The following STK4 variants were observed in gnomAD, a reference collection of about 807,000 sequenced individuals.
STK4 encodes the protein serine/threonine-protein kinase 4.
Under a neutral mutation model 64.9 loss-of-function variants are expected in STK4, and 30 were observed. The observed-to-expected ratio is 0.46, with a 90% CI of 0.35 to 0.63. The LOEUF is 0.63. Ranked by LOEUF, STK4 falls within the 20% of genes least tolerant of loss-of-function variation. The pLI is 0.01. For synonymous variants in STK4, 177 were observed against 199.0 expected (o/e 0.89, Z 0.93); for missense variants, 466 against 598.5 (o/e 0.78, Z 2.31).
chr20:45,004,531 T>C (rs1162247610), intron 9 of STK4: 1 of 151,986 alleles, frequency 6.6e-6, no homozygotes. Flanking sequence ...TGGTTTTTTT[T>C]TTCTTGTAAA....
chr20:44,995,794 C>G (rs766469281), intron 6 of STK4, among the ~76,000 whole-genome samples: 1 of 152,082 alleles, frequency 6.6e-6, no homozygotes, highest in African/African-American at 2.4e-5. Flanking sequence ...TGATAGCCCT[C>G]TGGCAGGACA....
At chr20:45,061,397 C>T (rs115851874) in intron 10 of STK4, among the ~76,000 whole-genome samples, 2 of 152,038 alleles carry the variant, frequency 1.3e-5, no homozygotes, top group Non-Finnish European at 2.9e-5. Flanking sequence ...TTAAATTATG[C>T]GTCATCCTGA....
chr20:44,968,479 CCT>C (rs1401037730), intron 1 of STK4, among the ~76,000 whole-genome samples: 1 of 152,304 alleles, frequency 6.6e-6, no homozygotes, highest in East Asian at 1.9e-4. Flanking sequence ...TAAAAGTACC[CCT>C]GTTTCACAGG....
intron 9 of STK4, among the ~76,000 whole-genome samples, chr20:45,011,407 G>C (rs879138029): frequency 1.3e-5 from 2 of 151,938 alleles, no homozygotes; most frequent in Non-Finnish European, 2.9e-5. Flanking sequence ...TTAAGTAACC[G>C]CAGTGACACT....
At chr20:45,038,019 C>G (rs1333209698) in intron 10 of STK4, among the ~76,000 whole-genome samples, 1 of 152,112 alleles carries the variant, frequency 6.6e-6, no homozygotes, top group African/African-American at 2.4e-5. Context: ...GAAACTTTAT[C>G]TGCCATTTCA....
intron 9 of STK4, among the ~76,000 whole-genome samples, chr20:45,023,526 G>GT (rs1172475673): frequency 6.6e-6 from 1 of 152,082 alleles, no homozygotes; most frequent in Non-Finnish European, 1.5e-5. Context: ...GGAAAGGGCC[G>GT]TATAAACCCC....
At chr20:44,988,487 A>G (rs916741880) in intron 5 of STK4, among the ~76,000 whole-genome samples, 1 of 148,364 alleles carries the variant, frequency 6.7e-6, no homozygotes, top group African/African-American at 2.5e-5. Flanking sequence ...ATCTCAAAAA[A>G]AAAATGTGTA....
chr20:44,995,765 C>T (rs1159463866), intron 6 of STK4, among the ~76,000 whole-genome samples: 1 of 152,164 alleles, frequency 6.6e-6, no homozygotes, highest in African/African-American at 2.4e-5. Context: ...CACCCCTCTC[C>T]ATTCCAGAGG....
chr20:44,981,236 C>T (rs1166562903), intron 3 of STK4, among the ~76,000 whole-genome samples: 2 of 151,938 alleles, frequency 1.3e-5, no homozygotes, highest in Non-Finnish European at 2.9e-5. Flanking sequence ...CTCGCTGCAA[C>T]CTCTACCTCC....
intron 2 of STK4, among the ~76,000 whole-genome samples, chr20:44,977,259 A>G (rs1568682705): frequency 6.6e-6 from 1 of 152,196 alleles, no homozygotes. Context: ...GAATGGAAAT[A>G]TTTTTATGTG....
At chr20:44,979,112 T>C (rs2060459274) in intron 3 of STK4, among the ~76,000 whole-genome samples, 1 of 152,160 alleles carries the variant, frequency 6.6e-6, no homozygotes, top group African/African-American at 2.4e-5. Flanking sequence ...CTTTTTTCTT[T>C]TCTTCAGTGA....
chr20:44,973,337 A>G (rs535150837), intron 2 of STK4: 1 of 152,352 alleles, frequency 6.6e-6, no homozygotes. Context: ...CAAGAAATCA[A>G]GCAGAGAAGG....
chr20:45,025,765 T>TAGAAAAGATTTTTCTCC (rs1555817104), intron 10 of STK4, among the ~76,000 whole-genome samples: 2 of 152,190 alleles, frequency 1.3e-5, no homozygotes, highest in Non-Finnish European at 2.9e-5. Context: ...GATTTTTCTC[T>TAGAAAAGATTTTTCTCC]TCAGGAGCTT....
chr20:45,063,783 AGG>A (rs375077561), intron 10 of STK4, among the ~76,000 whole-genome samples: 3 of 151,434 alleles, frequency 2.0e-5, no homozygotes, highest in Admixed American at 1.3e-4. Flanking sequence ...GATATAAGGA[AGG>A]GGGGGGTCCA....
intron 5 of STK4, among the ~76,000 whole-genome samples, chr20:44,987,975 TTTA>T (rs1344994452): frequency 1.3e-5 from 2 of 151,846 alleles, no homozygotes; most frequent in Non-Finnish European, 2.9e-5. Context: ...CGGTTTTTTT[TTTA>T]TTATTTTTTT....
At chr20:45,014,563 G>A (rs916720578) in intron 9 of STK4, among the ~76,000 whole-genome samples, 6 of 151,848 alleles carry the variant, frequency 4.0e-5, no homozygotes, top group African/African-American at 1.5e-4. Context: ...TAGTGGCAAA[G>A]ATAACAAAAA....
chr20:44,971,819 C>A (rs1356450879), intron 1 of STK4, among the ~76,000 whole-genome samples: 1 of 151,818 alleles, frequency 6.6e-6, no homozygotes, highest in East Asian at 1.9e-4. Context: ...TACAGGCATG[C>A]GTTACCACGC....
intron 9 of STK4, among the ~76,000 whole-genome samples, chr20:45,014,360 A>G (rs1048920198): frequency 2.0e-5 from 3 of 152,118 alleles, no homozygotes; most frequent in African/African-American, 7.2e-5. Context: ...CGGGAGGCGG[A>G]GATTGCAGTG....
At chr20:44,967,569 G>C (rs2067172828) in intron 1 of STK4, among the ~76,000 whole-genome samples, 4 of 152,194 alleles carry the variant, frequency 2.6e-5, no homozygotes, top group Admixed American at 2.6e-4. Context: ...GAGACCGAAG[G>C]AGTCATGCTT....
Sources: allele counts gnomAD v4.1 joint callset (sites outside exome capture counted in the v4.1 genomes callset), GRCh38; gene constraint gnomAD v4.1.1; transcripts MANE v1.5; gene names NCBI Gene and HGNC (gene_info 2026-07-23, HGNC 2026-07-21).